The following TAFA4 variants were observed in gnomAD, a reference collection of about 807,000 sequenced individuals.
TAFA4 encodes the protein TAFA chemokine like family member 4.
In TAFA4, 20 loss-of-function variants were observed where a neutral mutation model predicts 21.1. The ratio of observed to expected loss-of-function variants is 0.95; its 90% CI spans 0.67 to 1.38. TAFA4 has a LOEUF of 1.38. Among genes scored for constraint, TAFA4 ranks in the 40% most tolerant of loss-of-function variants. The pLI is 0.00. For missense variants in TAFA4, 211 were observed against 180.9 expected, an observed-to-expected ratio of 1.17 and a Z score of -0.95; for synonymous variants, 71 against 67.4, an observed-to-expected ratio of 1.05 and a Z score of -0.26.
At chr3:68,791,040 T>C (rs148924714) in intron 3 of TAFA4, among the ~76,000 whole-genome samples, 2 of 152,296 alleles carry the variant, frequency 1.3e-5, no homozygotes, top group African/African-American at 4.8e-5. Flanking sequence ...GATAGAGTCA[T>C]CTTTCTCCTA....
intron 1 of TAFA4, among the ~76,000 whole-genome samples, chr3:68,929,580 C>CA (rs1379774684): frequency 1.3e-5 from 2 of 152,088 alleles, no homozygotes; most frequent in Non-Finnish European, 2.9e-5. Flanking sequence ...ATCTCTAGGA[C>CA]AAAAAATAAA....
intron 3 of TAFA4, among the ~76,000 whole-genome samples, chr3:68,825,280 T>C (rs1704203675): frequency 1.3e-5 from 2 of 152,194 alleles, no homozygotes; most frequent in Non-Finnish European, 1.5e-5. Flanking sequence ...TCCAGCTCCA[T>C]CCACATCCCT....
intron 2 of TAFA4, among the ~76,000 whole-genome samples, chr3:68,882,149 G>GT (rs2089626079): frequency 6.6e-6 from 1 of 152,128 alleles, no homozygotes; most frequent in South Asian, 2.1e-4. Context: ...CTTTTAAACT[G>GT]TTTCAAAATG....
At chr3:68,921,982 G>A (rs1391906811) in intron 1 of TAFA4, among the ~76,000 whole-genome samples, 3 of 152,070 alleles carry the variant, frequency 2.0e-5, no homozygotes, top group South Asian at 2.1e-4. Context: ...TCAGTTTCTC[G>A]GGCACAACAC....
chr3:68,766,623 T>G (rs1702859984), intron 3 of TAFA4, among the ~76,000 whole-genome samples: 1 of 150,270 alleles, frequency 6.7e-6, no homozygotes, highest in South Asian at 2.1e-4. Flanking sequence ...AGAAAATACT[T>G]AGAGAAACAA....
At chr3:68,906,248 T>G (rs2089899725) in intron 1 of TAFA4, among the ~76,000 whole-genome samples, 2 of 152,228 alleles carry the variant, frequency 1.3e-5, no homozygotes, top group African/African-American at 4.8e-5. Context: ...ATACATTGAT[T>G]GGCATAACAG....
chr3:68,751,970 T>G (rs181452563), intron 4 of TAFA4, among the ~76,000 whole-genome samples: 24 of 152,330 alleles, frequency 1.6e-4, no homozygotes, highest in Non-Finnish European at 2.9e-5. Flanking sequence ...GGTGCTGATG[T>G]ATACCACTGT....
chr3:68,789,914 A>C (rs538569466), intron 3 of TAFA4, among the ~76,000 whole-genome samples: 2 of 152,360 alleles, frequency 1.3e-5, no homozygotes, highest in South Asian at 2.1e-4. Context: ...CTTGCCCTAC[A>C]AGAAATGCTA....
chr3:68,734,183 ATAATCTTC>A (rs1383673463), intron 5 of TAFA4, among the ~76,000 whole-genome samples: 4 of 152,174 alleles, frequency 2.6e-5, no homozygotes, highest in Non-Finnish European at 5.9e-5. Flanking sequence ...TGAATTTCAT[ATAATCTTC>A]ATGCATTCTG....
intron 3 of TAFA4, among the ~76,000 whole-genome samples, chr3:68,849,019 C>A (rs995173310): frequency 1.3e-5 from 2 of 152,152 alleles, no homozygotes; most frequent in Non-Finnish European, 2.9e-5. Flanking sequence ...CTACACCTAG[C>A]ATGAGCTATC....
chr3:68,919,905 T>C (rs1041802195), intron 1 of TAFA4, among the ~76,000 whole-genome samples: 8 of 152,230 alleles, frequency 5.3e-5, no homozygotes, highest in Non-Finnish European at 8.8e-5. Context: ...GTGTTTTTAA[T>C]GCTCTAAAAC....
rs537462881 is a variant in TAFA4 at position 68,847,655 on chromosome 3, G to A, written c.130+33075C>T. On this transcript the variant is annotated intron_variant, in intron 3 of 5. Coordinates refer to ENST00000295569, the MANE Select transcript of TAFA4 (RefSeq NM_182522.5). ...GCATAGGCACCCGAGGGAATCTCCTGGTCTGCAGGTTGAGAAGACCATGGG... is the reference window on the plus strand; with the variant it reads ...GCATAGGCACCCGAGGGAATCTCCTAGTCTGCAGGTTGAGAAGACCATGGG... 2.6e-5 allele frequency among the ~76,000 whole-genome samples: 4 copies of A among 152,320 alleles called. No homozygotes were observed. In the South Asian group the frequency reaches 8.3e-4, roughly 32 times the overall value.
intron 3 of TAFA4, among the ~76,000 whole-genome samples, chr3:68,766,988 A>G (rs538881245): frequency 6.6e-6 from 1 of 152,292 alleles, no homozygotes; most frequent in African/African-American, 2.4e-5. Flanking sequence ...CACCCAACAA[A>G]ACTATCAATA....
At chr3:68,749,878 C>T (rs551901338) in intron 4 of TAFA4, among the ~76,000 whole-genome samples, 10 of 152,324 alleles carry the variant, frequency 6.6e-5, no homozygotes, top group South Asian at 2.1e-4. Context: ...TCCATAGCCA[C>T]GGGTGGCTAA....
intron 3 of TAFA4, among the ~76,000 whole-genome samples, chr3:68,805,570 G>A (rs1703677476): frequency 1.3e-5 from 2 of 152,114 alleles, no homozygotes; most frequent in Admixed American, 6.6e-5. Context: ...GTCCAACAAC[G>A]ATAGACTGGA....
chr3:68,910,365 C>T (rs2089950287), intron 1 of TAFA4, among the ~76,000 whole-genome samples: 1 of 152,170 alleles, frequency 6.6e-6, no homozygotes, highest in Non-Finnish European at 1.5e-5. Flanking sequence ...AAAAATGAGG[C>T]AACTAATAGT....
At chr3:68,914,689 G>C (rs1179922968) in intron 1 of TAFA4, among the ~76,000 whole-genome samples, 1 of 152,116 alleles carries the variant, frequency 6.6e-6, no homozygotes, top group East Asian at 1.9e-4. Flanking sequence ...AACCATGGAA[G>C]CGGTGTGCAA....
At chr3:68,813,842 A>G (rs1324894230) in intron 3 of TAFA4, among the ~76,000 whole-genome samples, 2 of 152,194 alleles carry the variant, frequency 1.3e-5, no homozygotes, top group Admixed American at 1.3e-4. Flanking sequence ...CTGATACCAA[A>G]GCCTGGCAGA....
chr3:68,841,064 A>ACACACATTCTCCACAAAAC (rs1704650306), intron 3 of TAFA4, among the ~76,000 whole-genome samples: 1 of 135,696 alleles, frequency 7.4e-6, no homozygotes, highest in Non-Finnish European at 1.7e-5. Flanking sequence ...AATAAAATCC[A>ACACACATTCTCCACAAAAC]TGTAATCCCA....
Sources: gnomAD v4.1 joint callset for allele counts (sites outside exome capture counted in the v4.1 genomes callset) on GRCh38, gnomAD v4.1.1 for gene constraint, MANE v1.5 for transcripts, NCBI Gene and HGNC (gene_info 2026-07-23, HGNC 2026-07-21) for gene names.